Variants in KIRREL3 observed in about 807,000 individuals in gnomAD.
KIRREL3 encodes kirre like nephrin family adhesion molecule 3, also known as kin of IRRE-like protein 3.
A neutral mutation model predicts 89.7 loss-of-function variants in KIRREL3; 36 were observed. The observed-to-expected ratio is 0.40, with a 90% confidence interval of 0.31 to 0.53. The LOEUF (loss-of-function observed/expected upper bound fraction) is 0.53. Among genes scored for constraint, KIRREL3 ranks in the 20% least tolerant of loss-of-function variants. The pLI is 0.49. For synonymous variants in KIRREL3, 445 were observed against 441.4 expected (o/e 1.01, Z -0.10); for missense variants, 864 against 1,056.6 (o/e 0.82, Z 2.53).
rs979546621 is a variant in KIRREL3, at chr11:126,908,807, A to C, written c.55+91648T>G. Among the ~76,000 whole-genome samples the C allele has an allele frequency of 1.3e-5, 2 of 152,188 alleles. No individual in the cohort carries two copies. The highest frequency in any genetic ancestry group is 2.9e-5 in the Non-Finnish European group (2 of 68,044). ...AAGACTCAGGCAAATATATGCAGTC[A>C]TCCCTCGTTATTCAAGGAGGATTGG... On this transcript the variant is annotated intron_variant, in intron 1 of 16. Transcript: ENST00000525144. This position sits in a 1 kb window ranked among gnomAD's most constrained non-coding sequence, Gnocchi z 4.2.
intron 1 of KIRREL3, among the ~76,000 whole-genome samples, chr11:126,674,038 C>T (rs1436671327): frequency 2.0e-5 from 3 of 152,186 alleles, no homozygotes; most frequent in Non-Finnish European, 2.9e-5. Flanking sequence ...GTGTCTTCAC[C>T]GGACATTTGC....
At position 126,917,589 on chromosome 11, in the gene KIRREL3, A is replaced by G. The variant is rs538759138; in HGVS notation, c.55+82866T>C. 2.4e-3 allele frequency among the ~76,000 whole-genome samples: 362 copies of G among 152,298 alleles called. 1 individual carries two copies. The highest frequency in any genetic ancestry group is 8.1e-3 in the African/African-American group (335 of 41,562). On this transcript the variant is annotated intron_variant, in intron 1 of 16. Transcript: ENST00000525144. The surrounding 1 kb of genome is among the most constrained non-coding windows in gnomAD (Gnocchi z 5.0). ...CTCTCTTAGAGCACTGCTCAGTTGT[A>G]GGCTGTGTGGGGAGTGAGTAATGAT...
rs1236882668 is a variant in KIRREL3 at position 126,682,961 on chromosome 11, C to T, written c.56-120049G>A. ...CTATGACCTCCTGGGCTCAAGCAAT[C>T]CTCGCACCTCAGCCTCCCAAGTAGC... On this transcript the variant is annotated intron_variant, in intron 1 of 16. Coordinates refer to ENST00000525144, the MANE Select transcript of KIRREL3 (RefSeq NM_032531.4). This position sits in a 1 kb window ranked among gnomAD's most constrained non-coding sequence, Gnocchi z 4.8. Among the ~76,000 whole-genome samples, 1 of 152,134 alleles carries T rather than the reference C, an allele frequency of 6.6e-6. No individual in the cohort carries two copies. Among genetic ancestry groups the T allele is most frequent in the Non-Finnish European group, 1.5e-5 (1 of 68,028 alleles).
rs1939289829 is a variant in KIRREL3, at chr11:126,551,834, T to C, written c.133+11001A>G. Among the ~76,000 whole-genome samples, 1 of 152,126 alleles carries C rather than the reference T, an allele frequency of 6.6e-6. No homozygotes were observed. Among genetic ancestry groups the C allele is most frequent in the Non-Finnish European group, 1.5e-5 (1 of 68,016 alleles). ...CTAATTTTTGTATTTTTAGTAGAGATGGGGTTTCACCATGTTAGTCAGGCT... is the reference window on the plus strand; with the variant it reads ...CTAATTTTTGTATTTTTAGTAGAGACGGGGTTTCACCATGTTAGTCAGGCT... On this transcript the variant is annotated intron_variant, in intron 2 of 16. Transcript: ENST00000525144. This position sits in a 1 kb window ranked among gnomAD's most constrained non-coding sequence, Gnocchi z 4.9.
chr11:126,793,068 A>C (rs1950695632), intron 1 of KIRREL3, among the ~76,000 whole-genome samples: 1 of 152,116 alleles, frequency 6.6e-6, no homozygotes, highest in Admixed American at 6.5e-5. Context: ...TAAAGTGTTC[A>C]CTATCTCACA....
Position 126,463,618 on chromosome 11 carries a change from TCAGGGAGGTC to T in KIRREL3, c.592-321_592-312del. ...GGATGGGTTTCATGGAAACCAGGCTTCAGGGAGGTCCCATGTTGAAATGAACTCACATCTT... is the reference window on the plus strand; with the variant it reads ...GGATGGGTTTCATGGAAACCAGGCTTCCATGTTGAAATGAACTCACATCTT... On this transcript the variant is annotated intron_variant, in intron 5 of 16. Coordinates refer to ENST00000525144, the MANE Select transcript of KIRREL3 (RefSeq NM_032531.4). This position sits in a 1 kb window ranked among gnomAD's most constrained non-coding sequence, Gnocchi z 5.9. 6.6e-6 allele frequency among the ~76,000 whole-genome samples: 1 copy of T among 152,320 alleles called. No individual in the cohort carries two copies. Among genetic ancestry groups the T allele is most frequent in the Non-Finnish European group, 1.5e-5 (1 of 68,028 alleles).
At chr11:126,847,669 T>C (rs1043903584) in intron 1 of KIRREL3, among the ~76,000 whole-genome samples, 10 of 152,184 alleles carry the variant, frequency 6.6e-5, no homozygotes, top group Admixed American at 3.9e-4. Flanking sequence ...GTAATCTTTT[T>C]TAACTTTTTG....
Position 126,477,287 on chromosome 11 carries a change from C to T in KIRREL3, c.434-3821G>A, listed in dbSNP as rs891371533. On this transcript the variant is annotated intron_variant, in intron 4 of 16. Transcript: ENST00000525144. The surrounding 1 kb of genome is among the most constrained non-coding windows in gnomAD (Gnocchi z 4.8). ...CAGGCAGCTTCAGTCTCCCTCCCTG[C>T]TCTGCCCCTACCTGCCCAGCTCTGC... is the stretch of plus-strand genomic sequence containing the variant. 6.6e-6 allele frequency among the ~76,000 whole-genome samples: 1 copy of T among 152,254 alleles called. No homozygotes were observed. Among genetic ancestry groups the T allele is most frequent in the African/African-American group, 2.4e-5 (1 of 41,466 alleles).
rs941819604 is a variant in KIRREL3 at position 126,635,226 on chromosome 11, G to C, written c.56-72314C>G. Among the ~76,000 whole-genome samples the C allele has an allele frequency of 7.2e-5, 11 of 152,200 alleles. No homozygotes were observed. Among genetic ancestry groups the C allele is most frequent in the Non-Finnish European group, 1.3e-4 (9 of 68,040 alleles). ...AAGTGTGGGCATTGCTTACTGCAGA[G>C]AGGCTTCCCTTCTAAATCCACTCAT... On this transcript the variant is annotated intron_variant, in intron 1 of 16. Coordinates refer to ENST00000525144, the MANE Select transcript of KIRREL3 (RefSeq NM_032531.4). This position sits in a 1 kb window ranked among gnomAD's most constrained non-coding sequence, Gnocchi z 4.0.
intron 13 of KIRREL3, 146 bp downstream of exon 13, chr11:126,435,122 G>C: frequency 3.5e-6 from 3 of 846,338 alleles, no homozygotes; most frequent in Non-Finnish European, 5.7e-6. Flanking sequence ...CCACTGCTTT[G>C]TCTACACTAA....
intron 1 of KIRREL3, among the ~76,000 whole-genome samples, chr11:126,777,328 T>C (rs1950196654): frequency 6.6e-6 from 1 of 152,232 alleles, no homozygotes; most frequent in Middle Eastern, 3.4e-3. Flanking sequence ...TGCAAAGCAC[T>C]GGGCCTGGCA....
In KIRREL3 at chr11:126,431,444, C is replaced by A; in HGVS notation, c.1671G>T (p.Ala557=). 2 of 1,614,038 alleles carry A rather than the reference C, an allele frequency of 1.2e-6. No individual in the cohort carries two copies. Among genetic ancestry groups the A allele is most frequent in the South Asian group, 2.2e-5 (2 of 91,084 alleles). Residue 557 remains alanine, a synonymous_variant, in exon 14 of 17, where the codon GCG becomes GCT. Transcript: ENST00000525144. The surrounding 1 kb of genome is among the most constrained non-coding windows in gnomAD (Gnocchi z 7.1). ...AFLVLMATIV[A]FCCARSQRNL... is the part of the protein sequence containing the mutation. ...TTCTCTGGGAACGGGCACAGCAGAA[C>A]GCCACGATGGTTGCCATAAGGACGA...
chr11:126,648,598 G>A (rs1944786123), intron 1 of KIRREL3, among the ~76,000 whole-genome samples: 1 of 152,144 alleles, frequency 6.6e-6, no homozygotes, highest in South Asian at 2.1e-4. Flanking sequence ...TCCTCCACTA[G>A]AATGTCAGCC....
Position 126,985,590 on chromosome 11 carries a change from G to A in KIRREL3, c.55+14865C>T, listed in dbSNP as rs1591427676. On this transcript the variant is annotated intron_variant, in intron 1 of 16. Coordinates refer to ENST00000525144, the MANE Select transcript of KIRREL3 (RefSeq NM_032531.4). The surrounding 1 kb of genome is among the most constrained non-coding windows in gnomAD (Gnocchi z 5.3). ...TAGACTAACCTGGGGGAGAGGAGAC[G>A]GCCACTCCAGAGGGACAGGAGGCAC... 6.6e-6 allele frequency among the ~76,000 whole-genome samples: 1 copy of A among 152,012 alleles called. No homozygotes were observed. Among genetic ancestry groups the A allele is most frequent in the Non-Finnish European group, 1.5e-5 (1 of 68,008 alleles).
At chr11:126,986,107 G>A (rs2135262066) in intron 1 of KIRREL3, among the ~76,000 whole-genome samples, 1 of 152,248 alleles carries the variant, frequency 6.6e-6, no homozygotes, top group East Asian at 1.9e-4. Flanking sequence ...GGTGTACACG[G>A]CATCCACTGT....
rs963433700 is a variant in KIRREL3, at chr11:126,742,942, T to A, written c.56-180030A>T. Among the ~76,000 whole-genome samples the A allele has an allele frequency of 6.6e-6, 1 of 152,230 alleles. No homozygotes were observed. Among genetic ancestry groups the A allele is most frequent in the Non-Finnish European group, 1.5e-5 (1 of 68,046 alleles). ...TTCAGGTCAAAAACTTGGTTTGCTG[T>A]GGTTTGGAGTTTCTAGGTCAGCTGC... is the stretch of plus-strand genomic sequence containing the variant. On this transcript the variant is annotated intron_variant, in intron 1 of 16. Coordinates refer to ENST00000525144, the MANE Select transcript of KIRREL3 (RefSeq NM_032531.4). The surrounding 1 kb of genome is among the most constrained non-coding windows in gnomAD (Gnocchi z 5.3).
At chr11:126,706,607 T>C (rs1247530147) in intron 1 of KIRREL3, among the ~76,000 whole-genome samples, 1 of 152,238 alleles carries the variant, frequency 6.6e-6, no homozygotes, top group Non-Finnish European at 1.5e-5. Flanking sequence ...TGAATGTGCC[T>C]GATTCCCCAC....
chr11:126,639,850 G>T lies in KIRREL3; in HGVS notation c.56-76938C>A, dbSNP rs1944402074. Among the ~76,000 whole-genome samples the T allele has an allele frequency of 6.6e-6, 1 of 152,158 alleles. No individual in the cohort carries two copies. Among genetic ancestry groups the T allele is most frequent in the Non-Finnish European group, 1.5e-5 (1 of 68,038 alleles). The stretch of plus-strand genomic sequence containing the variant: ...ACCTCTGTGGCTGGGATCTGAGAAG[G>T]CTTAGTTTGATTACGCTTCATGGCC... On this transcript the variant is annotated intron_variant, in intron 1 of 16. Coordinates refer to ENST00000525144, the MANE Select transcript of KIRREL3 (RefSeq NM_032531.4). This position sits in a 1 kb window ranked among gnomAD's most constrained non-coding sequence, Gnocchi z 4.3.
At chr11:126,693,508 A>G (rs765218593) in intron 1 of KIRREL3, among the ~76,000 whole-genome samples, 1 of 152,154 alleles carries the variant, frequency 6.6e-6, no homozygotes, top group Non-Finnish European at 1.5e-5. Flanking sequence ...ACAAGGAGAG[A>G]AAGAGACTCT....
Sources: allele counts gnomAD v4.1 joint callset (sites outside exome capture counted in the v4.1 genomes callset), GRCh38; gene constraint gnomAD v4.1.1; non-coding constraint Gnocchi (gnomAD v3.1); transcripts MANE v1.5; gene names NCBI Gene and HGNC (gene_info 2026-07-23, HGNC 2026-07-21).